NMT2: variants seen among roughly 807,000 people sequenced by gnomAD.
NMT2 encodes the protein glycylpeptide N-tetradecanoyltransferase 2.
Under a neutral mutation model 65.4 loss-of-function variants are expected in NMT2, and 35 were observed. The observed-to-expected ratio is 0.54, with a 90% CI of 0.41 to 0.71. The LOEUF (loss-of-function observed/expected upper bound fraction) is 0.71, where lower values mean the gene tolerates loss of function less well. NMT2 is among the 30% of genes least tolerant of loss of function. The pLI is 0.00. For synonymous variants in NMT2, 226 were observed against 231.8 expected, an observed-to-expected ratio of 0.98 and a Z score of 0.23; for missense variants, 489 against 611.3, an observed-to-expected ratio of 0.80 and a Z score of 2.11.
chr10:15,108,442 C>A lies in NMT2; in HGVS notation c.*753G>T. On this transcript the variant is annotated 3_prime_UTR_variant, in exon 12 of 12. Transcript: ENST00000378165. ...CCTCATGATCTGCCCACCTTGGCCT[C>A]CCAAAGTGCTGGGATTACAGGCGTG... is the stretch of plus-strand genomic sequence containing the variant. 1 of 917,946 alleles carries A rather than the reference C, an allele frequency of 1.1e-6. No individual in the cohort carries two copies. Among genetic ancestry groups the A allele is most frequent in the Non-Finnish European group, 1.3e-6 (1 of 768,388 alleles). The allele number at this position is 917,946 out of a possible 1,614,324, so 56.9% of individuals were successfully genotyped here.
At chr10:15,151,527 A>G (rs998012375) in intron 1 of NMT2, among the ~76,000 whole-genome samples, 5 of 152,258 alleles carry the variant, frequency 3.3e-5, no homozygotes, top group Non-Finnish European at 7.3e-5. Flanking sequence ...CTTTGTAGAC[A>G]GTGCAAGGTC....
chr10:15,130,424 A>G, intron 6 of NMT2, 112 bp from the exon 7 acceptor site: 1 of 864,944 alleles, frequency 1.2e-6, no homozygotes, highest in Non-Finnish European at 1.7e-6. Context: ...ATAAGAATGC[A>G]GGCTGGGAAC....
chr10:15,109,667 G>C, intron 11 of NMT2, 35 bp downstream of exon 11: 1 of 1,510,234 alleles, frequency 6.6e-7, no homozygotes, highest in Non-Finnish European at 8.9e-7. Context: ...AGGTACATTT[G>C]TTGAGTTTAC....
At chr10:15,158,912 G>T (rs1267734619) in intron 1 of NMT2, among the ~76,000 whole-genome samples, 2 of 152,108 alleles carry the variant, frequency 1.3e-5, no homozygotes, top group Non-Finnish European at 2.9e-5. Flanking sequence ...ACCCTTGTAA[G>T]CTATTTACCC....
At position 15,143,588 on chromosome 10, in the gene NMT2, G is replaced by T. The variant is rs1305992395; in HGVS notation, c.111-2031C>A. ...AGTAATTTGCTCAGCCAGGCATGGT[G>T]GCTCACGCCTATAATCCCAGCACTT... is the stretch of plus-strand genomic sequence containing the variant. On this transcript the variant is annotated intron_variant, in intron 1 of 11. Transcript: ENST00000378165. Among the ~76,000 whole-genome samples the T allele has an allele frequency of 3.9e-5, 6 of 152,324 alleles. No homozygotes were observed. In the South Asian group the frequency reaches 1.0e-3, roughly 26 times the overall value.
At chr10:15,138,882 G>C (rs1218203917) in intron 2 of NMT2, among the ~76,000 whole-genome samples, 1 of 150,882 alleles carries the variant, frequency 6.6e-6, no homozygotes, top group East Asian at 1.9e-4. Context: ...TTACTACTGA[G>C]TGTCAACTTG....
intron 1 of NMT2, among the ~76,000 whole-genome samples, chr10:15,166,617 T>C (rs115206725): frequency 1.7e-3 from 260 of 152,322 alleles, no homozygotes; most frequent in African/African-American, 6.2e-3. Flanking sequence ...TAGAGTACAA[T>C]ACATCCATTA....
intron 8 of NMT2, among the ~76,000 whole-genome samples, chr10:15,122,933 TAA>T (rs200230286): frequency 6.8e-6 from 1 of 146,352 alleles, no homozygotes; most frequent in African/African-American, 2.5e-5. Context: ...TGAAAATAGT[TAA>T]AAAAAAAAAA....
chr10:15,137,357 C>T (rs563981403), intron 2 of NMT2, among the ~76,000 whole-genome samples: 2 of 152,130 alleles, frequency 1.3e-5, no homozygotes, highest in African/African-American at 4.8e-5. Flanking sequence ...GTTTATCTTA[C>T]ATTTGTTTAA....
intron 1 of NMT2, among the ~76,000 whole-genome samples, chr10:15,145,907 G>A (rs113273585): frequency 6.8e-4 from 103 of 152,224 alleles, no homozygotes; most frequent in African/African-American, 2.3e-3. Context: ...GTGCCTGGGT[G>A]GGAGAGGTGC....
chr10:15,141,347 G>A, intron 2 of NMT2, 75 bp downstream of exon 2: 1 of 1,549,688 alleles, frequency 6.5e-7, no homozygotes, highest in Non-Finnish European at 8.8e-7. Flanking sequence ...ATCTGATGCA[G>A]CAGCGCGCTA....
chr10:15,120,269 C>G (rs537531025), intron 8 of NMT2, among the ~76,000 whole-genome samples: 1 of 152,060 alleles, frequency 6.6e-6, no homozygotes, highest in African/African-American at 2.4e-5. Context: ...ACCAGCCTGG[C>G]CAACATGATG....
rs572842362 is a variant in NMT2 at position 15,110,893 on chromosome 10, C to T, written c.1339-1054G>A. 2.6e-5 allele frequency among the ~76,000 whole-genome samples: 4 copies of T among 152,216 alleles called. No homozygotes were observed. In the South Asian group the frequency reaches 8.3e-4, roughly 32 times the overall value. On this transcript the variant is annotated intron_variant, in intron 10 of 11. Transcript: ENST00000378165. ...GCAACCTCCACCTCCCAGATTTAAG[C>T]AATTCTCCTGCCTCAAACTTCCTAG...
chr10:15,108,220 C>T lies in NMT2; in HGVS notation c.*975G>A. The T allele has an allele frequency of 2.1e-6, 2 of 972,618 alleles. No individual in the cohort carries two copies. The highest frequency in any genetic ancestry group is 2.4e-6 in the Non-Finnish European group (2 of 819,758). The allele number at this position is 972,618 out of a possible 1,614,324, so 60.2% of individuals were successfully genotyped here. ...TTTTTTTTTGAGACGGAGTCTCACGCTCTGTCACCCAGGCTGGAGTGCAGT... is the reference window on the plus strand; with the variant it reads ...TTTTTTTTTGAGACGGAGTCTCACGTTCTGTCACCCAGGCTGGAGTGCAGT... On this transcript the variant is annotated 3_prime_UTR_variant, in exon 12 of 12. Transcript: ENST00000378165.
At chr10:15,128,533 C>T in intron 7 of NMT2, 75 bp from the exon 8 acceptor site, 2 of 922,264 alleles carry the variant, frequency 2.2e-6, no homozygotes, top group Non-Finnish European at 1.8e-6. Flanking sequence ...CTCAGCTTGG[C>T]TGTTACATAA....
chr10:15,112,647 A>C, intron 10 of NMT2, 149 bp downstream of exon 10: 1 of 721,220 alleles, frequency 1.4e-6, no homozygotes, highest in Non-Finnish European at 2.1e-6. Context: ...AACTCTTATC[A>C]AAATTCTTCC....
At chr10:15,128,700 A>G (rs1034561255) in intron 7 of NMT2, among the ~76,000 whole-genome samples, 2 of 152,182 alleles carry the variant, frequency 1.3e-5, no homozygotes, top group Non-Finnish European at 2.9e-5. Flanking sequence ...TGGAATCTTA[A>G]AACTGCAAAG....
chr10:15,106,303 A>C lies in NMT2; in HGVS notation c.*2892T>G, dbSNP rs1164849846. The C allele has an allele frequency of 6.4e-6, 1 of 155,764 alleles. No homozygotes were observed. The highest frequency in any genetic ancestry group is 1.4e-5 in the Non-Finnish European group (1 of 69,790). The allele number at this position is 155,764 out of a possible 1,614,324, so 9.6% of individuals were successfully genotyped here. On this transcript the variant is annotated 3_prime_UTR_variant, in exon 12 of 12. Transcript: ENST00000378165. Reference sequence around the variant, plus strand: ...AGCCACCGTGCCTGGCTGATTCTGCAATTATTTGAAAACCTACTTTGTATA... The same window carrying C: ...AGCCACCGTGCCTGGCTGATTCTGCCATTATTTGAAAACCTACTTTGTATA...
At chr10:15,127,197 T>A (rs1348106427) in intron 8 of NMT2, among the ~76,000 whole-genome samples, 1 of 151,120 alleles carries the variant, frequency 6.6e-6, no homozygotes, top group Admixed American at 6.6e-5. Flanking sequence ...ATCCAGCCAC[T>A]GCACTCCAGC....
Sources: allele counts gnomAD v4.1 joint callset (sites outside exome capture counted in the v4.1 genomes callset), GRCh38; gene constraint gnomAD v4.1.1; transcripts MANE v1.5; gene names NCBI Gene and HGNC (gene_info 2026-07-23, HGNC 2026-07-21).